Variants in HS3ST3A1 observed in about 807,000 individuals in gnomAD.
HS3ST3A1 encodes heparan sulfate glucosamine 3-O-sulfotransferase 3A1.
A neutral mutation model predicts 25.7 loss-of-function variants in HS3ST3A1; 19 were observed. The observed-to-expected ratio is 0.74, with a 90% confidence interval of 0.52 to 1.08. The LOEUF is 1.08. Ranked by LOEUF, HS3ST3A1 falls within the 50% of genes least tolerant of loss-of-function variation. HS3ST3A1 has a pLI of 0.00. For missense variants in HS3ST3A1, 459 were observed against 594.3 expected (o/e 0.77, Z 2.37); for synonymous variants, 226 against 278.6 (o/e 0.81, Z 1.88).
chr17:13,540,513 C>A (rs1168792937), intron 1 of HS3ST3A1, among the ~76,000 whole-genome samples: 1 of 152,102 alleles, frequency 6.6e-6, no homozygotes, highest in Admixed American at 6.5e-5. Context: ...TAAAATGTAC[C>A]TTTTTCCAGT....
intron 1 of HS3ST3A1, among the ~76,000 whole-genome samples, chr17:13,530,213 G>A (rs1906563156): frequency 6.6e-6 from 1 of 152,096 alleles, no homozygotes. Context: ...CTTATTTTTA[G>A]CTTTGAATAA....
At chr17:13,583,125 T>TTGAATCTTCACAAA (rs1173397807) in intron 1 of HS3ST3A1, among the ~76,000 whole-genome samples, 1 of 152,186 alleles carries the variant, frequency 6.6e-6, no homozygotes, top group Non-Finnish European at 1.5e-5. Context: ...TACAAACATT[T>TTGAATCTTCACAAA]CGGCATCTGT....
intron 1 of HS3ST3A1, among the ~76,000 whole-genome samples, chr17:13,517,701 G>T (rs1288122252): frequency 6.6e-6 from 1 of 152,098 alleles, no homozygotes; most frequent in Non-Finnish European, 1.5e-5. Context: ...GCCGAGGCTG[G>T]AATGCAGTGG....
chr17:13,546,664 ACCT>A (rs1907097637), intron 1 of HS3ST3A1, among the ~76,000 whole-genome samples: 1 of 151,976 alleles, frequency 6.6e-6, no homozygotes, highest in Non-Finnish European at 1.5e-5. Context: ...CTCTTTAACT[ACCT>A]CCTTTGACTA....
intron 1 of HS3ST3A1, among the ~76,000 whole-genome samples, chr17:13,599,391 A>T (rs539650763): frequency 1.3e-5 from 2 of 152,312 alleles, no homozygotes; most frequent in East Asian, 3.9e-4. Context: ...AAGTAAATAA[A>T]CTTGTCAAAT....
At chr17:13,557,562 C>G (rs7211399) in intron 1 of HS3ST3A1, among the ~76,000 whole-genome samples, 46,567 of 151,840 alleles carry the variant, frequency 0.31, 9,258 homozygotes, top group African/African-American at 0.57. Context: ...ATTGGAAATA[C>G]TAAGAATAAA....
In HS3ST3A1 at chr17:13,601,217, G is replaced by T. The variant is rs981855434; in HGVS notation, c.-88C>A. On this transcript the variant is annotated 5_prime_UTR_variant, in exon 1 of 2. Transcript: ENST00000284110. ...CAGAGCATCCCCCCGGCGGGCCAGC[G>T]CGCTGGACGGAGGCCACATCGCCGT... 8 of 1,029,788 alleles carry T rather than the reference G, an allele frequency of 7.8e-6. No homozygotes were observed. The African/African-American group carries it at 1.0e-4, about 13-fold the overall frequency. The allele number at this position is 1,029,788 out of a possible 1,614,324, so 63.8% of individuals were successfully genotyped here.
intron 1 of HS3ST3A1, among the ~76,000 whole-genome samples, chr17:13,541,630 G>C (rs542975767): frequency 1.3e-5 from 2 of 152,264 alleles, no homozygotes; most frequent in South Asian, 2.1e-4. Flanking sequence ...AGAGACTCTT[G>C]CTCCTTAAGG....
rs1396832353 is a variant in HS3ST3A1 at position 13,601,355 on chromosome 17, A to T, written c.-226T>A. On this transcript the variant is annotated 5_prime_UTR_variant, in exon 1 of 2. Coordinates refer to ENST00000284110, the MANE Select transcript of HS3ST3A1 (RefSeq NM_006042.3). Reference sequence around the variant, plus strand: ...CCTGCCTCCAGTCGAGGGAGCGGGAAGGGGAACGCGGGTCCGTGCTTAAGA... The same window carrying T: ...CCTGCCTCCAGTCGAGGGAGCGGGATGGGGAACGCGGGTCCGTGCTTAAGA... 14 of 489,462 alleles carry T rather than the reference A, an allele frequency of 2.9e-5. No individual in the cohort carries two copies. Among genetic ancestry groups the T allele is most frequent in the Non-Finnish European group, 5.0e-5 (14 of 282,114 alleles). 30.3% of individuals were successfully genotyped at this position (489,462 alleles called of 1,614,324 possible).
At chr17:13,590,457 T>C (rs751608652) in intron 1 of HS3ST3A1, among the ~76,000 whole-genome samples, 1 of 152,320 alleles carries the variant, frequency 6.6e-6, no homozygotes, top group Non-Finnish European at 1.5e-5. Context: ...CATTTAAGAA[T>C]TATACCATTG....
chr17:13,527,779 G>A (rs868206198), intron 1 of HS3ST3A1, among the ~76,000 whole-genome samples: 2 of 152,142 alleles, frequency 1.3e-5, no homozygotes, highest in South Asian at 2.1e-4. Context: ...TGGCTGCAGC[G>A]GATCTGGCTT....
At chr17:13,575,836 A>G (rs1907935151) in intron 1 of HS3ST3A1, among the ~76,000 whole-genome samples, 1 of 152,182 alleles carries the variant, frequency 6.6e-6, no homozygotes, top group African/African-American at 2.4e-5. Flanking sequence ...AGCTAGAAAC[A>G]TTTCCCAGAA....
At chr17:13,585,926 T>C (rs935608133) in intron 1 of HS3ST3A1, among the ~76,000 whole-genome samples, 1 of 139,772 alleles carries the variant, frequency 7.2e-6, no homozygotes, top group African/African-American at 2.7e-5. Context: ...CTCGGCTCAC[T>C]GCAACCTCTG....
At chr17:13,521,726 T>G (rs963221253) in intron 1 of HS3ST3A1, among the ~76,000 whole-genome samples, 2 of 152,226 alleles carry the variant, frequency 1.3e-5, no homozygotes, top group Non-Finnish European at 2.9e-5. Context: ...TTATTCCTCT[T>G]AGAAGAACTT....
At chr17:13,539,504 G>T (rs1396339334) in intron 1 of HS3ST3A1, among the ~76,000 whole-genome samples, 1 of 152,162 alleles carries the variant, frequency 6.6e-6, no homozygotes, top group African/African-American at 2.4e-5. Flanking sequence ...AGAGACATTG[G>T]CAAAGAACAT....
chr17:13,519,811 T>C (rs1226395009), intron 1 of HS3ST3A1, among the ~76,000 whole-genome samples: 2 of 152,342 alleles, frequency 1.3e-5, no homozygotes, highest in Middle Eastern at 3.4e-3. Context: ...ACCTATTGAT[T>C]TGGTTTGATT....
chr17:13,513,734 T>C (rs915966675), intron 1 of HS3ST3A1, among the ~76,000 whole-genome samples: 6 of 152,350 alleles, frequency 3.9e-5, no homozygotes, highest in African/African-American at 1.4e-4. Flanking sequence ...AAGTGTTTAG[T>C]GAATCCCTTA....
At chr17:13,582,571 C>A (rs1248392230) in intron 1 of HS3ST3A1, among the ~76,000 whole-genome samples, 2 of 152,146 alleles carry the variant, frequency 1.3e-5, no homozygotes, top group Non-Finnish European at 2.9e-5. Flanking sequence ...TGAATACAGC[C>A]AAAATATAAT....
At chr17:13,505,166 C>T (rs1860069) in intron 1 of HS3ST3A1, among the ~76,000 whole-genome samples, 9,012 of 152,174 alleles carry the variant, frequency 0.059, 339 homozygotes, top group Admixed American at 0.099. Flanking sequence ...GAGAGTATTT[C>T]TATTGCAGCA....
Sources: gnomAD v4.1 joint callset for allele counts (sites outside exome capture counted in the v4.1 genomes callset) on GRCh38, gnomAD v4.1.1 for gene constraint, MANE v1.5 for transcripts, NCBI Gene and HGNC (gene_info 2026-07-23, HGNC 2026-07-21) for gene names.